The following LY96 variants were observed in gnomAD, a reference collection of about 807,000 sequenced individuals.
LY96 encodes the protein myeloid differentiation protein-2.
In LY96, 18 loss-of-function variants were observed where a neutral mutation model predicts 18.9. That is an observed-to-expected ratio of 0.95 (90% CI 0.66 to 1.41). The LOEUF (loss-of-function observed/expected upper bound fraction) is 1.41. Ranked by LOEUF, LY96 falls within the 40% of genes most tolerant of loss-of-function variation. LY96 has a pLI of 0.00. For synonymous variants in LY96, 66 were observed against 62.6 expected (o/e 1.06, Z -0.26); for missense variants, 175 against 182.4 (o/e 0.96, Z 0.23).
chr8:74,085,888 G>A, the LY96 span, among the ~76,000 whole-genome samples: 2 of 152,174 alleles, frequency 1.3e-5, no homozygotes, highest in Non-Finnish European at 2.9e-5. Flanking sequence ...TTGTGTGTGT[G>A]TGTGTAGCAA....
intron 3 of LY96, among the ~76,000 whole-genome samples, chr8:74,010,486 AT>A (rs1449495861): frequency 5.9e-5 from 9 of 152,044 alleles, no homozygotes; most frequent in African/African-American, 1.7e-4. Context: ...GGATAAAAAA[AT>A]AAAAAATAAA....
chr8:74,042,186 A>AAAAGG, the LY96 span, among the ~76,000 whole-genome samples: 1 of 152,332 alleles, frequency 6.6e-6, no homozygotes, highest in Admixed American at 6.5e-5. Context: ...TAACAAAGGC[A>AAAAGG]TGCATGCATT....
rs1264860007 is a variant in LY96, at chr8:74,000,123, C to T, written c.113-4673C>T. 2.6e-5 allele frequency among the ~76,000 whole-genome samples: 4 copies of T among 152,294 alleles called. No homozygotes were observed. In the South Asian group the frequency reaches 8.3e-4, roughly 32 times the overall value. On this transcript the variant is annotated intron_variant, in intron 1 of 4. Coordinates refer to ENST00000284818, the MANE Select transcript of LY96 (RefSeq NM_015364.5). ...GCCTATCTTAATGATCTATGAAATG[C>T]CTTTCAGGTCATTCTCCCATTGTCT...
intron 1 of LY96, among the ~76,000 whole-genome samples, chr8:74,002,458 C>T (rs118149143): frequency 0.018 from 2,775 of 151,996 alleles, 35 homozygotes; most frequent in South Asian, 0.035. Flanking sequence ...CCAGTGATCT[C>T]TCTCTGAGTT....
At chr8:74,092,623 T>C in the LY96 span, among the ~76,000 whole-genome samples, 2 of 152,164 alleles carry the variant, frequency 1.3e-5, no homozygotes, top group Non-Finnish European at 1.5e-5. Flanking sequence ...TCTCTTCCAC[T>C]CCTCCTAGGC....
chr8:73,996,372 C>CCTTTCTTTCTTTCTTT (rs541600290), intron 1 of LY96, among the ~76,000 whole-genome samples: 1,569 of 110,680 alleles, frequency 0.014, 29 homozygotes, highest in East Asian at 0.028. Flanking sequence ...TTCCTTCATT[C>CCTTTCTTTCTTTCTTT]CTTTCTTTCT....
chr8:73,999,658 T>G (rs1816223452), intron 1 of LY96, among the ~76,000 whole-genome samples: 1 of 152,166 alleles, frequency 6.6e-6, no homozygotes, highest in Non-Finnish European at 1.5e-5. Context: ...TCTAACAACT[T>G]TTTTACATTT....
the LY96 span, among the ~76,000 whole-genome samples, chr8:74,065,056 A>G: frequency 6.6e-6 from 1 of 152,196 alleles, no homozygotes; most frequent in Non-Finnish European, 1.5e-5. Flanking sequence ...CTGAATTTCC[A>G]ACTGTGATGC....
the LY96 span, among the ~76,000 whole-genome samples, chr8:74,036,097 TG>T: frequency 6.6e-6 from 1 of 152,220 alleles, no homozygotes; most frequent in Admixed American, 6.5e-5. Flanking sequence ...ACCTCCAAGC[TG>T]TCCTTGTTTA....
the LY96 span, among the ~76,000 whole-genome samples, chr8:74,046,688 G>A: frequency 6.6e-6 from 1 of 152,050 alleles, no homozygotes; most frequent in Non-Finnish European, 1.5e-5. Context: ...AGACTGAGAA[G>A]GCTATACTAA....
the LY96 span, among the ~76,000 whole-genome samples, chr8:74,088,437 C>T: frequency 6.6e-6 from 1 of 152,116 alleles, no homozygotes; most frequent in Non-Finnish European, 1.5e-5. Context: ...TTTTATGTCC[C>T]TTTCTTACCT....
At chr8:74,089,625 A>G in the LY96 span, among the ~76,000 whole-genome samples, 1 of 152,306 alleles carries the variant, frequency 6.6e-6, no homozygotes, top group Non-Finnish European at 1.5e-5. Flanking sequence ...GGAGATTCCA[A>G]AGTTAACAAA....
the LY96 span, among the ~76,000 whole-genome samples, chr8:74,089,760 G>C: frequency 7.1e-6 from 1 of 141,570 alleles, no homozygotes; most frequent in Non-Finnish European, 1.5e-5. Flanking sequence ...GGGGGTGGGG[G>C]GGATAGGAAT....
chr8:74,067,360 G>T, the LY96 span, among the ~76,000 whole-genome samples: 1 of 152,130 alleles, frequency 6.6e-6, no homozygotes, highest in Admixed American at 6.6e-5. Flanking sequence ...CTCCCAAGTA[G>T]CTGGGACTGC....
intron 2 of LY96, among the ~76,000 whole-genome samples, chr8:74,007,736 T>C (rs920880798): frequency 1.3e-5 from 2 of 152,242 alleles, no homozygotes; most frequent in Non-Finnish European, 2.9e-5. Flanking sequence ...AATAGTCCTC[T>C]TTTATACCAC....
chr8:74,059,452 T>A, the LY96 span, among the ~76,000 whole-genome samples: 2 of 152,178 alleles, frequency 1.3e-5, no homozygotes, highest in African/African-American at 4.8e-5. Flanking sequence ...ATAAAGACAT[T>A]TTTAAAAAGT....
the LY96 span, among the ~76,000 whole-genome samples, chr8:74,078,105 CTCAA>C: frequency 1.0e-4 from 13 of 130,016 alleles, no homozygotes; most frequent in African/African-American, 4.9e-4. Context: ...AAGACCCTGT[CTCAA>C]TAAAAAAAAA....
At chr8:74,067,224 T>G in the LY96 span, among the ~76,000 whole-genome samples, 1 of 152,180 alleles carries the variant, frequency 6.6e-6, no homozygotes, top group Non-Finnish European at 1.5e-5. Context: ...TATGTGTATA[T>G]GTATGTATGT....
At chr8:74,061,141 G>A in the LY96 span, among the ~76,000 whole-genome samples, 145 of 152,246 alleles carry the variant, frequency 9.5e-4, no homozygotes, top group Middle Eastern at 3.4e-3. Context: ...CCACCTGATC[G>A]CTGTTATAGA....
Sources: allele counts gnomAD v4.1 joint callset (sites outside exome capture counted in the v4.1 genomes callset), GRCh38; gene constraint gnomAD v4.1.1; transcripts MANE v1.5; gene names NCBI Gene and HGNC (gene_info 2026-07-23, HGNC 2026-07-21).